The following FBRSL1 variants were observed in gnomAD, a reference collection of about 807,000 sequenced individuals.
The protein encoded by FBRSL1 is fibrosin-1-like protein.
In FBRSL1, 51 loss-of-function variants were observed where a neutral mutation model predicts 89.6. That is an observed-to-expected ratio of 0.57 (90% CI 0.45 to 0.72). The LOEUF is 0.72. Among genes scored for constraint, FBRSL1 ranks in the 30% least tolerant of loss-of-function variants. The pLI is 0.00. For synonymous variants in FBRSL1, 779 were observed against 681.1 expected (o/e 1.14, Z -2.24); for missense variants, 1,618 against 1,451.8 (o/e 1.11, Z -1.86).
At chr12:132,562,224 A>G (rs11610600) in intron 5 of FBRSL1, among the ~76,000 whole-genome samples, 62,780 of 152,012 alleles carry the variant, frequency 0.41, 13,933 homozygotes, top group East Asian at 0.85. Context: ...GCGAGCAGAG[A>G]GGAGAAAGCC....
chr12:132,491,333 T>C (rs888661478), intron 1 of FBRSL1, among the ~76,000 whole-genome samples: 5 of 152,216 alleles, frequency 3.3e-5, no homozygotes, highest in Non-Finnish European at 7.3e-5. Context: ...TCAAGACCCC[T>C]CTTGGTGACT....
chr12:132,503,403 G>A (rs967697115), intron 1 of FBRSL1, among the ~76,000 whole-genome samples: 1 of 152,262 alleles, frequency 6.6e-6, no homozygotes, highest in Non-Finnish European at 1.5e-5. Flanking sequence ...GTGGGTGCGT[G>A]ATGTGGGGTC....
In FBRSL1 at chr12:132,570,372, G is replaced by C; in HGVS notation, c.1045G>C (p.Val349Leu). The change falls in exon 8 of 19, where the codon GTG becomes CTG. Residue 349 changes from valine (V) to leucine (L), a missense_variant. Coordinates refer to ENST00000680143, the MANE Select transcript of FBRSL1 (RefSeq NM_001367871.1). ...CGCCCCCCTGGGCCTGGGGAAGCACGTGTCGCTGTCGCCACACGGGCCGGG... is the reference window on the plus strand; with the variant it reads ...CGCCCCCCTGGGCCTGGGGAAGCACCTGTCGCTGTCGCCACACGGGCCGGG... ...SSAPLGLGKH[V>L]SLSPHGPGPH... 1.3e-6 allele frequency: 2 copies of C among 1,533,554 alleles called. No individual in the cohort carries two copies. The highest frequency in any genetic ancestry group is 1.7e-6 in the Non-Finnish European group (2 of 1,145,318). 95.0% of individuals were successfully genotyped at this position (1,533,554 alleles called of 1,614,324 possible). A position where few individuals can be genotyped will look rare whatever the true frequency, so the allele number is the denominator to read the frequency against.
chr12:132,574,591 CG>C, intron 14 of FBRSL1, 27 bp downstream of exon 14: 1 of 1,543,368 alleles, frequency 6.5e-7, no homozygotes, highest in Non-Finnish European at 8.7e-7. Flanking sequence ...TGGGGCAGGG[CG>C]CTTGTGAACC....
At chr12:132,556,269 TC>T (rs1485245260) in intron 5 of FBRSL1, among the ~76,000 whole-genome samples, 2 of 152,068 alleles carry the variant, frequency 1.3e-5, no homozygotes, top group African/African-American at 4.8e-5. Flanking sequence ...GGCCTACCCC[TC>T]ACCTATGCAC....
rs139810704 is a variant in FBRSL1, at chr12:132,527,539, G to A, written c.580-414G>A. On this transcript the variant is annotated intron_variant, in intron 3 of 18. Transcript: ENST00000680143. ...TGCCTGAGAGGATGTCTCGCTGGTG[G>A]TCTTGGGTCTGGGCATCTGGACCTG... Among the ~76,000 whole-genome samples, 15 of 152,336 alleles carry A rather than the reference G, an allele frequency of 9.8e-5. No homozygotes were observed. The East Asian group carries it at 2.9e-3, about 29-fold the overall frequency.
At chr12:132,542,232 C>T (rs1000601264) in intron 4 of FBRSL1, among the ~76,000 whole-genome samples, 2 of 152,186 alleles carry the variant, frequency 1.3e-5, no homozygotes, top group African/African-American at 4.8e-5. Context: ...TCCCCGGGCA[C>T]CTGGGTGGGC....
At chr12:132,550,337 G>C (rs1410531540) in intron 5 of FBRSL1, among the ~76,000 whole-genome samples, 1 of 152,128 alleles carries the variant, frequency 6.6e-6, no homozygotes, top group African/African-American at 2.4e-5. Flanking sequence ...GGAGAAGGCA[G>C]CTCCGCCAAA....
intron 4 of FBRSL1, among the ~76,000 whole-genome samples, chr12:132,538,415 G>T (rs1184663897): frequency 6.6e-6 from 1 of 152,222 alleles, no homozygotes; most frequent in Non-Finnish European, 1.5e-5. Context: ...GAGGTCAAGG[G>T]CTGCCTGAGT....
chr12:132,519,321 GTGAA>G lies in FBRSL1; in HGVS notation c.490-6410_490-6407del, dbSNP rs774547940. ...TTACCTAGCCTGGTTGGCATGTGGA[GTGAA>G]TGGAGTGTCAGGAACGGTTTCAGGA... On this transcript the variant is annotated intron_variant, in intron 2 of 18. Transcript: ENST00000680143. 2.0e-5 allele frequency among the ~76,000 whole-genome samples: 3 copies of G among 152,352 alleles called. No individual in the cohort carries two copies. In the East Asian group the frequency reaches 5.8e-4, roughly 29 times the overall value.
At chr12:132,567,780 A>C (rs1255803177) in intron 6 of FBRSL1, among the ~76,000 whole-genome samples, 1 of 151,988 alleles carries the variant, frequency 6.6e-6, no homozygotes, top group African/African-American at 2.4e-5. Flanking sequence ...AACCGTTAGG[A>C]ATGTGTGCTC....
At chr12:132,577,370 C>T (rs2040445602) in intron 15 of FBRSL1, among the ~76,000 whole-genome samples, 1 of 152,206 alleles carries the variant, frequency 6.6e-6, no homozygotes, top group Non-Finnish European at 1.5e-5. Flanking sequence ...TGTCTCCCAG[C>T]CCCCGCTTTC....
Position 132,490,455 on chromosome 12 carries a change from C to T in FBRSL1, c.-116C>T. 5 of 756,346 alleles carry T rather than the reference C, an allele frequency of 6.6e-6. No homozygotes were observed. Among genetic ancestry groups the T allele is most frequent in the Non-Finnish European group, 8.0e-6 (5 of 626,556 alleles). The allele number at this position is 756,346 out of a possible 1,614,324, so 46.9% of individuals were successfully genotyped here. A position where few individuals can be genotyped will look rare whatever the true frequency, so the allele number is the denominator to read the frequency against. The stretch of plus-strand genomic sequence containing the variant: ...CCGCCGCCCGCCGCCGCCCAGGGCC[C>T]GAGCCCGCGCGGCGCACACTCAGCC... On this transcript the variant is annotated 5_prime_UTR_variant, in exon 1 of 19. It introduces an in-frame stop codon into an upstream open reading frame of the 5' UTR. Transcript: ENST00000680143.
chr12:132,568,488 C>T (rs556096403), intron 6 of FBRSL1, among the ~76,000 whole-genome samples: 2 of 152,380 alleles, frequency 1.3e-5, no homozygotes, highest in East Asian at 3.9e-4. Context: ...CAGCTGGCTT[C>T]GCAGACGGTG....
intron 1 of FBRSL1, among the ~76,000 whole-genome samples, chr12:132,493,563 C>T (rs542868657): frequency 1.4e-4 from 21 of 152,334 alleles, no homozygotes; most frequent in Non-Finnish European, 2.6e-4. Context: ...GCAGACCACC[C>T]TCTCCGCCTG....
chr12:132,520,077 C>A (rs1260406708), intron 2 of FBRSL1, among the ~76,000 whole-genome samples: 1 of 151,410 alleles, frequency 6.6e-6, no homozygotes. Context: ...TCCAGCACCC[C>A]CTCCTTGCAC....
Position 132,583,857 on chromosome 12 carries a change from C to A in FBRSL1, c.*79C>A. ...ATCAGTTCCTAGAACTCAAGCACAG[C>A]TCCCGCCGATCCTGGGGCGGCGCCG... On this transcript the variant is annotated 3_prime_UTR_variant, in exon 19 of 19. Transcript: ENST00000680143. 1.1e-6 allele frequency: 1 copy of A among 877,640 alleles called. No individual in the cohort carries two copies. The highest frequency in any genetic ancestry group is 1.4e-6 in the Non-Finnish European group (1 of 695,564). The allele number at this position is 877,640 out of a possible 1,614,324, so 54.4% of individuals were successfully genotyped here. A position where few individuals can be genotyped will look rare whatever the true frequency, so the allele number is the denominator to read the frequency against.
In FBRSL1 at chr12:132,511,763, C is replaced by G. The variant is rs567249729; in HGVS notation, c.489+3413C>G. On this transcript the variant is annotated intron_variant, in intron 2 of 18. Transcript: ENST00000680143. ...CCCGCACTTGCTCATGAGGACCCCA[C>G]CCCCGCAGGCCCTCCCGGGTCCTGA... 3 of 985,346 alleles carry G rather than the reference C, an allele frequency of 3.0e-6. No homozygotes were observed. The African/African-American group carries it at 5.2e-5, about 17-fold the overall frequency. 61.0% of individuals were successfully genotyped at this position (985,346 alleles called of 1,614,324 possible). A position where few individuals can be genotyped will look rare whatever the true frequency, so the allele number is the denominator to read the frequency against.
Position 132,490,437 on chromosome 12 carries a change from C to T in FBRSL1, c.-134C>T. On this transcript the variant is annotated 5_prime_UTR_variant, in exon 1 of 19. Coordinates refer to ENST00000680143, the MANE Select transcript of FBRSL1 (RefSeq NM_001367871.1). The stretch of plus-strand genomic sequence containing the variant: ...CGGCATGCCCGGCCCGGCCCGCCGC[C>T]CGCCGCCGCCCAGGGCCCGAGCCCG... 1.2e-5 allele frequency: 7 copies of T among 598,588 alleles called. No homozygotes were observed. The highest frequency in any genetic ancestry group is 1.4e-5 in the Non-Finnish European group (7 of 483,554). 37.1% of individuals were successfully genotyped at this position (598,588 alleles called of 1,614,324 possible). A position where few individuals can be genotyped will look rare whatever the true frequency, so the allele number is the denominator to read the frequency against.
Sources: gnomAD v4.1 joint callset for allele counts (sites outside exome capture counted in the v4.1 genomes callset) on GRCh38, gnomAD v4.1.1 for gene constraint, MANE v1.5 for transcripts, NCBI Gene and HGNC (gene_info 2026-07-23, HGNC 2026-07-21) for gene names.